The following ZNF850 variants were observed in gnomAD, a reference collection of about 807,000 sequenced individuals.
The protein encoded by ZNF850 is putative zinc finger protein ENSP00000330994.
ZNF850 carries 2 observed loss-of-function variants against 11.9 expected under a neutral mutation model. The observed-to-expected ratio is 0.17, with a 90% confidence interval of 0.07 to 0.53. ZNF850 has a LOEUF of 0.53. Among genes scored for constraint, ZNF850 ranks in the 20% least tolerant of loss-of-function variants. ZNF850 has a pLI of 0.94. For missense variants in ZNF850, 1,014 were observed against 1,316.4 expected (o/e 0.77, Z 3.55); for synonymous variants, 381 against 443.0 (o/e 0.86, Z 1.76).
chr19:36,753,168 C>A (rs1405884228), intron 4 of ZNF850, among the ~76,000 whole-genome samples: 1 of 148,882 alleles, frequency 6.7e-6, no homozygotes, highest in African/African-American at 2.5e-5. Flanking sequence ...ACTCAGGGGG[C>A]TGAGGCAGAA....
Position 36,762,415 on chromosome 19 carries a change from TG to T in ZNF850, c.28del (p.Gln10ArgfsTer5). 6.4e-7 allele frequency: 1 copy of T among 1,572,790 alleles called. No individual in the cohort carries two copies. The highest frequency in any genetic ancestry group is 8.6e-7 in the Non-Finnish European group (1 of 1,166,656). On this transcript the variant is annotated frameshift_variant, in exon 3 of 5. Transcript: ENST00000591344. LOFTEE classifies it high-confidence loss of function. MNMEGLVMFQDLSIDFSQEE... is the reference protein window; with the variant it reads MNMEGLVMFXDLSIDFSQEE... ...CTGAGAGAAGTCTATAGACAGATCC[TG>T]GAACATGACCAACCCCTGAAATGAC...
intron 4 of ZNF850, among the ~76,000 whole-genome samples, chr19:36,754,926 C>A (rs188301702): frequency 2.6e-5 from 4 of 152,184 alleles, no homozygotes; most frequent in Non-Finnish European, 5.9e-5. Flanking sequence ...TAAAAGGATA[C>A]AGAGGATCTT....
intron 4 of ZNF850, among the ~76,000 whole-genome samples, chr19:36,755,622 C>G (rs542109894): frequency 6.6e-6 from 1 of 151,060 alleles, no homozygotes; most frequent in Non-Finnish European, 1.5e-5. Flanking sequence ...CCTCTGTGGA[C>G]GAAATCAACC....
At position 36,749,152 on chromosome 19, in the gene ZNF850, A is replaced by C; in HGVS notation, c.1888T>G (p.Leu630Val). The C allele has an allele frequency of 1.2e-6, 2 of 1,604,132 alleles. No homozygotes were observed. Among genetic ancestry groups the C allele is most frequent in the Non-Finnish European group, 1.7e-6 (2 of 1,177,018 alleles). Residue 630 changes from leucine to valine, a missense_variant, in exon 5 of 5, where the codon TTA becomes GTA. By Grantham distance (32) the Leu-to-Val change is conservative (BLOSUM62 1). This residue lies in a region of ZNF850 where 835 missense variants were observed against 1,022.0 expected (regional missense o/e 0.82). Coordinates refer to ENST00000591344, the MANE Select transcript of ZNF850 (RefSeq NM_001193552.2). ...ATTTGTTGATGTTGAGTAAGTCGTA[A>C]ACGAAGTCTAAAGGCCTTCCCACAT... ...KECGKAFRLR[L>V]RLTQHQQIHT...
chr19:36,771,294 C>T (rs1384476369), intron 1 of ZNF850, among the ~76,000 whole-genome samples: 1 of 152,176 alleles, frequency 6.6e-6, no homozygotes, highest in Non-Finnish European at 1.5e-5. Flanking sequence ...AGGGGAGGAA[C>T]GTGGGCTGTC....
Position 36,748,217 on chromosome 19 carries a change from G to T in ZNF850, c.2823C>A (p.Thr941=). The change falls in exon 5 of 5, where the codon ACC becomes ACA. Residue 941 remains threonine, a synonymous_variant. Transcript: ENST00000591344. ...GKAFVRFSGL[T]KHHSIHTGEK... ...CGCCAGTGTGAATACTGTGATGTTT[G>T]GTGAGTCCTGAGAAACGGACAAAGG... 6.4e-7 allele frequency: 1 copy of T among 1,552,628 alleles called. No individual in the cohort carries two copies.
chr19:36,754,171 C>CA (rs61598199), intron 4 of ZNF850, among the ~76,000 whole-genome samples: 3,359 of 72,670 alleles, frequency 0.046, 77 homozygotes, highest in Middle Eastern at 0.11. Context: ...GACCCTGTCT[C>CA]AAAAAAAAAA....
intron 1 of ZNF850, among the ~76,000 whole-genome samples, 188 bp from the exon 2 acceptor site, chr19:36,762,863 T>A (rs962099684): frequency 1.1e-4 from 17 of 150,692 alleles, no homozygotes; most frequent in South Asian, 6.3e-4. Context: ...TCTTTCTTGT[T>A]TTTTTTTTTC....
chr19:36,764,138 G>A (rs1469047204), intron 1 of ZNF850, among the ~76,000 whole-genome samples: 3 of 152,124 alleles, frequency 2.0e-5, no homozygotes, highest in Admixed American at 6.6e-5. Context: ...CCAGCTACTC[G>A]GGAGGCTGAG....
intron 1 of ZNF850, among the ~76,000 whole-genome samples, chr19:36,767,146 A>T (rs1361379703): frequency 6.6e-6 from 1 of 152,162 alleles, no homozygotes; most frequent in Non-Finnish European, 1.5e-5. Context: ...CAGAGGCAGG[A>T]GAATCGCTTA....
intron 4 of ZNF850, among the ~76,000 whole-genome samples, chr19:36,757,414 A>T (rs1332521457): frequency 6.6e-6 from 1 of 151,918 alleles, no homozygotes; most frequent in African/African-American, 2.4e-5. Context: ...TGAATGAGTC[A>T]CTCCTAAAAA....
chr19:36,752,599 C>A (rs2097265369), intron 4 of ZNF850, among the ~76,000 whole-genome samples: 1 of 152,024 alleles, frequency 6.6e-6, no homozygotes, highest in Admixed American at 6.6e-5. Context: ...ACAGAAACAA[C>A]CAGATATGTG....
intron 1 of ZNF850, among the ~76,000 whole-genome samples, chr19:36,764,492 T>G (rs1335747557): frequency 6.6e-6 from 1 of 152,124 alleles, no homozygotes; most frequent in Non-Finnish European, 1.5e-5. Flanking sequence ...TAGAGTTTAT[T>G]ATAGCCATTC....
chr19:36,752,234 C>A (rs1568734816), intron 4 of ZNF850, among the ~76,000 whole-genome samples: 1 of 152,152 alleles, frequency 6.6e-6, no homozygotes, highest in Non-Finnish European at 1.5e-5. Flanking sequence ...ATTACTGTCT[C>A]TAAATACCAT....
chr19:36,771,266 G>C (rs575243695), intron 1 of ZNF850, among the ~76,000 whole-genome samples: 63 of 152,292 alleles, frequency 4.1e-4, no homozygotes, highest in Admixed American at 1.1e-3. Flanking sequence ...TGAATCTGGG[G>C]GGGTTTATTA....
At chr19:36,752,213 G>T (rs982659461) in intron 4 of ZNF850, among the ~76,000 whole-genome samples, 1 of 152,070 alleles carries the variant, frequency 6.6e-6, no homozygotes, top group Non-Finnish European at 1.5e-5. Context: ...CAATGAACAC[G>T]CTAATGACAG....
chr19:36,747,842 T>C lies in ZNF850; in HGVS notation c.3198A>G (p.Glu1066=), dbSNP rs2040422047. The C allele has an allele frequency of 6.3e-7, 1 of 1,579,968 alleles. No individual in the cohort carries two copies. The highest frequency in any genetic ancestry group is 8.6e-7 in the Non-Finnish European group (1 of 1,166,646). The part of the protein sequence containing the change: ...QSVHTGEKPY[E]CKTCGKAFKQ... ...TAAAGGCCTTCCCACATGTCTTACA[T>C]TCATAGGGTTTCTCGCCAGTGTGAA... Residue 1066 remains glutamate, a synonymous_variant, in exon 5 of 5, where the codon GAA becomes GAG. Coordinates refer to ENST00000591344, the MANE Select transcript of ZNF850 (RefSeq NM_001193552.2).
Position 36,748,979 on chromosome 19 carries a change from G to A in ZNF850, c.2061C>T (p.Tyr687=). The A allele has an allele frequency of 1.2e-6, 2 of 1,601,014 alleles. No homozygotes were observed. The highest frequency in any genetic ancestry group is 1.7e-6 in the Non-Finnish European group (2 of 1,174,946). Reference sequence around the variant, plus strand: ...TATGAATTCTCCGATGTTGATTAAGGTATGTACGCTGTCTAAAGGCCTTCC... The same window carrying A: ...TATGAATTCTCCGATGTTGATTAAGATATGTACGCTGTCTAAAGGCCTTCC... The part of the protein sequence containing the change: ...DCGKAFRQRT[Y]LNQHRRIHTG... The change falls in exon 5 of 5, where the codon TAC becomes TAT. Residue 687 remains tyrosine, a synonymous_variant. Transcript: ENST00000591344.
chr19:36,745,678 CA>C lies in ZNF850; in HGVS notation c.*2088del, dbSNP rs3055095. On this transcript the variant is annotated 3_prime_UTR_variant, in exon 5 of 5. Transcript: ENST00000591344. ...GGGCAACAAGAGCAAAACTCCATCT[CA>C]AAAAAAAAAAAAAGAAAAAAGAAAA... 0.016 allele frequency: 2,320 copies of C among 141,020 alleles called. 52 individuals are homozygous for C. The highest frequency in any genetic ancestry group is 0.042 in the Admixed American group (595 of 14,104). 8.7% of individuals were successfully genotyped at this position (141,020 alleles called of 1,614,324 possible).
Sources: allele counts gnomAD v4.1 joint callset (sites outside exome capture counted in the v4.1 genomes callset), GRCh38; gene constraint gnomAD v4.1.1; regional missense constraint gnomAD v4.1.1; transcripts MANE v1.5; gene names NCBI Gene and HGNC (gene_info 2026-07-23, HGNC 2026-07-21).